Variants in EYA2 observed in about 807,000 individuals in gnomAD.
The protein encoded by EYA2 is protein phosphatase EYA2.
A neutral mutation model predicts 69.2 loss-of-function variants in EYA2; 31 were observed. That is an observed-to-expected ratio of 0.45 (90% CI 0.34 to 0.60). The LOEUF (loss-of-function observed/expected upper bound fraction) is 0.60. Ranked by LOEUF, EYA2 falls within the 20% of genes least tolerant of loss-of-function variation. EYA2 has a pLI of 0.02. For synonymous variants in EYA2, 257 were observed against 279.4 expected (o/e 0.92, Z 0.80); for missense variants, 622 against 701.2 (o/e 0.89, Z 1.28).
At chr20:47,072,932 A>G (rs762706055) in intron 6 of EYA2, among the ~76,000 whole-genome samples, 6 of 152,238 alleles carry the variant, frequency 3.9e-5, no homozygotes, top group Non-Finnish European at 8.8e-5. Context: ...AGGAATACGC[A>G]ATTTCTTTTC....
intron 5 of EYA2, among the ~76,000 whole-genome samples, chr20:47,044,080 G>A (rs2029908178): frequency 6.6e-6 from 1 of 152,196 alleles, no homozygotes; most frequent in African/African-American, 2.4e-5. Context: ...GTTGGATACT[G>A]TTAATCAGCA....
intron 1 of EYA2, among the ~76,000 whole-genome samples, chr20:46,963,587 G>GTCCTC (rs1290826529): frequency 2.6e-5 from 4 of 152,234 alleles, no homozygotes; most frequent in African/African-American, 7.2e-5. Flanking sequence ...ACTCACTGGG[G>GTCCTC]ATTGTTTTTA....
At chr20:47,163,185 A>G (rs148898522) in intron 10 of EYA2, among the ~76,000 whole-genome samples, 2,894 of 151,998 alleles carry the variant, frequency 0.019, 100 homozygotes, top group African/African-American at 0.066. Flanking sequence ...GTATGCCACC[A>G]TGCCTGGCTA....
At chr20:47,099,388 T>C (rs1470429512) in intron 9 of EYA2, among the ~76,000 whole-genome samples, 2 of 152,118 alleles carry the variant, frequency 1.3e-5, no homozygotes, top group Non-Finnish European at 2.9e-5. Context: ...AAAATTAGCC[T>C]GGTGTGATAG....
chr20:46,952,572 C>G (rs577129423), intron 1 of EYA2, among the ~76,000 whole-genome samples: 2 of 152,316 alleles, frequency 1.3e-5, no homozygotes, highest in East Asian at 3.9e-4. Context: ...GCAGAGCAAG[C>G]ACCCACCGGA....
intron 8 of EYA2, among the ~76,000 whole-genome samples, chr20:47,095,409 G>A (rs910010688): frequency 3.9e-5 from 6 of 151,954 alleles, no homozygotes; most frequent in African/African-American, 1.4e-4. Flanking sequence ...AAAGATGGGA[G>A]AAAATTATTA....
chr20:47,170,694 A>G (rs1225629848), intron 11 of EYA2, among the ~76,000 whole-genome samples: 3 of 152,032 alleles, frequency 2.0e-5, no homozygotes, highest in African/African-American at 7.2e-5. Flanking sequence ...TGTGGGCTGG[A>G]ATGTTCCAAG....
At chr20:47,078,417 G>T (rs1267679734) in intron 7 of EYA2, among the ~76,000 whole-genome samples, 1 of 151,838 alleles carries the variant, frequency 6.6e-6, no homozygotes, top group African/African-American at 2.4e-5. Context: ...AAATTATCCA[G>T]GATATCCTTG....
chr20:47,069,721 A>T (rs779865681), intron 5 of EYA2, among the ~76,000 whole-genome samples: 1 of 152,120 alleles, frequency 6.6e-6, no homozygotes, highest in Non-Finnish European at 1.5e-5. Flanking sequence ...GTACCCCATA[A>T]ATATATACAC....
At chr20:47,022,004 C>T (rs1026094936) in intron 5 of EYA2, among the ~76,000 whole-genome samples, 5 of 152,204 alleles carry the variant, frequency 3.3e-5, no homozygotes, top group Admixed American at 1.3e-4. Flanking sequence ...GGGGTTGGGG[C>T]GGGTCATGGT....
intron 5 of EYA2, among the ~76,000 whole-genome samples, chr20:47,050,450 A>G (rs1453821938): frequency 6.6e-6 from 1 of 152,218 alleles, no homozygotes; most frequent in East Asian, 1.9e-4. Flanking sequence ...TGATGGCAGG[A>G]GTGGGAAAGA....
At chr20:47,043,056 G>C (rs921369329) in intron 5 of EYA2, among the ~76,000 whole-genome samples, 2 of 152,330 alleles carry the variant, frequency 1.3e-5, no homozygotes, top group African/African-American at 4.8e-5. Flanking sequence ...AAGGAAAGGC[G>C]AGAGGGAGGA....
At chr20:47,090,257 G>A in intron 8 of EYA2, among the ~76,000 whole-genome samples, 1 of 143,064 alleles carries the variant, frequency 7.0e-6, no homozygotes, top group East Asian at 2.1e-4. Context: ...TTGAATTGGA[G>A]CCTCTCTCTG....
chr20:47,091,910 T>C (rs1370083887), intron 8 of EYA2, among the ~76,000 whole-genome samples: 1 of 152,212 alleles, frequency 6.6e-6, no homozygotes, highest in Non-Finnish European at 1.5e-5. Flanking sequence ...GTCCTGTCCT[T>C]CGGTGTCCGA....
chr20:47,067,309 A>C (rs568299141), intron 5 of EYA2, among the ~76,000 whole-genome samples: 3 of 152,310 alleles, frequency 2.0e-5, no homozygotes, highest in African/African-American at 7.2e-5. Context: ...AGAACCAAAC[A>C]GATGACCTCG....
At chr20:46,976,510 C>G (rs991825040) in intron 1 of EYA2, among the ~76,000 whole-genome samples, 5 of 152,116 alleles carry the variant, frequency 3.3e-5, no homozygotes, top group Non-Finnish European at 5.9e-5. Context: ...CTCAGCCTCC[C>G]GAGTAGCTGG....
At chr20:47,062,791 A>G (rs894100599) in intron 5 of EYA2, among the ~76,000 whole-genome samples, 5 of 152,234 alleles carry the variant, frequency 3.3e-5, no homozygotes, top group East Asian at 3.9e-4. Context: ...AGGAAAGAAA[A>G]ATATGGAAAG....
intron 5 of EYA2, among the ~76,000 whole-genome samples, chr20:47,042,678 AC>A (rs1985145731): frequency 6.6e-6 from 1 of 152,092 alleles, no homozygotes; most frequent in African/African-American, 2.4e-5. Flanking sequence ...GCAACAGAGA[AC>A]CGAGTGTCCC....
At chr20:46,932,978 C>T (rs1458362356) in intron 1 of EYA2, among the ~76,000 whole-genome samples, 2 of 152,194 alleles carry the variant, frequency 1.3e-5, no homozygotes, top group Non-Finnish European at 2.9e-5. Context: ...CTTGCTTCCC[C>T]TTTCCCTTCC....
Sources: gnomAD v4.1 joint callset for allele counts (sites outside exome capture counted in the v4.1 genomes callset) on GRCh38, gnomAD v4.1.1 for gene constraint, MANE v1.5 for transcripts, NCBI Gene and HGNC (gene_info 2026-07-23, HGNC 2026-07-21) for gene names.